Variants in PIGX observed in about 807,000 individuals in gnomAD.
PIGX encodes the protein GPI alpha-1,4-mannosyltransferase I, stabilizing subunit.
A neutral mutation model predicts 28.7 loss-of-function variants in PIGX; 24 were observed. The observed-to-expected ratio is 0.84, with a 90% confidence interval of 0.60 to 1.17. The LOEUF (loss-of-function observed/expected upper bound fraction) is 1.17, where lower values mean the gene tolerates loss of function less well. Among genes scored for constraint, PIGX ranks in the 50% most tolerant of loss-of-function variants. PIGX has a pLI of 0.00. For missense variants in PIGX, 305 were observed against 317.8 expected (o/e 0.96, Z 0.31); for synonymous variants, 127 against 121.0 (o/e 1.05, Z -0.33).
At chr3:196,728,870 A>G (rs2108686519) in intron 4 of PIGX, 1 of 696,524 alleles carries the variant, frequency 1.4e-6, no homozygotes, top group Non-Finnish European at 2.6e-6. Context: ...GTTTCTTGTT[A>G]TCAGTATTGC....
chr3:196,721,003 A>G (rs566533871), intron 2 of PIGX, among the ~76,000 whole-genome samples: 3 of 151,948 alleles, frequency 2.0e-5, no homozygotes, highest in South Asian at 4.1e-4. Context: ...AGCTTTTAAG[A>G]TTGTTTTCCA....
intron 1 of PIGX, 26 bp from the exon 2 acceptor site, chr3:196,716,832 A>T (rs567199844): frequency 1.4e-3 from 1,767 of 1,253,690 alleles, no homozygotes; most frequent in Admixed American, 1.8e-3. Flanking sequence ...TTTTGTTTTT[A>T]AAAAAAAATC....
rs1416283206 is a variant in PIGX, at chr3:196,728,082, G to A, written c.478G>A (p.Gly160Arg). The A allele has an allele frequency of 6.2e-7, 1 of 1,614,000 alleles. No homozygotes were observed. Among genetic ancestry groups the A allele is most frequent in the Non-Finnish European group, 8.5e-7 (1 of 1,180,028 alleles). ...CTATCATCGGCCGCACAGTGAAGATGGAGAAGCCTCGATTGTGGTCAATAA... is the reference window on the plus strand; with the variant it reads ...CTATCATCGGCCGCACAGTGAAGATAGAGAAGCCTCGATTGTGGTCAATAA... The change falls in exon 4 of 6, where the codon GGA (glycine) becomes AGA (arginine). Residue 160 changes from glycine to arginine, a missense_variant. Transcript: ENST00000392391.
At chr3:196,713,729 CAG>C (rs1382687300) in intron 1 of PIGX, among the ~76,000 whole-genome samples, 2 of 151,286 alleles carry the variant, frequency 1.3e-5, no homozygotes, top group South Asian at 2.1e-4. Context: ...CCCAGCTACT[CAG>C]GGGGCTAAGG....
chr3:196,720,129 G>A (rs186930472), intron 2 of PIGX, among the ~76,000 whole-genome samples: 106 of 152,280 alleles, frequency 7.0e-4, no homozygotes, highest in Non-Finnish European at 1.3e-3. Context: ...GTACATTCAC[G>A]TTATTGTGCT....
At chr3:196,732,281 T>A (rs1712836124) in intron 5 of PIGX, among the ~76,000 whole-genome samples, 4 of 90,880 alleles carry the variant, frequency 4.4e-5, no homozygotes, top group African/African-American at 2.0e-4. Flanking sequence ...ATTTTTTTTT[T>A]TATTTTATTT....
intron 2 of PIGX, among the ~76,000 whole-genome samples, chr3:196,720,046 G>A (rs1712255968): frequency 6.6e-6 from 1 of 152,208 alleles, no homozygotes; most frequent in South Asian, 2.1e-4. Flanking sequence ...CCGAAGTGTG[G>A]GGATTACAGG....
At chr3:196,723,162 C>T (rs139178176) in intron 3 of PIGX, among the ~76,000 whole-genome samples, 3 of 152,190 alleles carry the variant, frequency 2.0e-5, no homozygotes, top group South Asian at 2.1e-4. Flanking sequence ...GGCAACATGG[C>T]GAAACCCTGT....
At position 196,720,037 on chromosome 3, in the gene PIGX, C is replaced by T. The variant is rs934106113; in HGVS notation, c.177-2378C>T. Among the ~76,000 whole-genome samples, 68 of 152,362 alleles carry T rather than the reference C, an allele frequency of 4.5e-4. 1 individual carries two copies. Among genetic ancestry groups the T allele is most frequent in the African/African-American group, 1.5e-3 (62 of 41,588 alleles). ...TCGTGATCCGCCTGCTTCGGCCTCCCGAAGTGTGGGGATTACAGGCGTGAG... is the reference window on the plus strand; with the variant it reads ...TCGTGATCCGCCTGCTTCGGCCTCCTGAAGTGTGGGGATTACAGGCGTGAG... On this transcript the variant is annotated intron_variant, in intron 2 of 5. Coordinates refer to ENST00000392391, the MANE Select transcript of PIGX (RefSeq NM_017861.4).
intron 2 of PIGX, among the ~76,000 whole-genome samples, chr3:196,718,126 C>T (rs995910189): frequency 1.3e-5 from 2 of 151,972 alleles, no homozygotes; most frequent in South Asian, 2.1e-4. Context: ...GTGGCAAACA[C>T]GGTGAAACCC....
chr3:196,712,775 C>T, intron 1 of PIGX, 131 bp downstream of exon 1: 1 of 1,109,192 alleles, frequency 9.0e-7, no homozygotes, highest in Non-Finnish European at 1.1e-6. Context: ...GGAGGTCAGA[C>T]ACTAGAGCCG....
At chr3:196,724,145 G>A (rs1712432952) in intron 3 of PIGX, among the ~76,000 whole-genome samples, 1 of 151,670 alleles carries the variant, frequency 6.6e-6, no homozygotes, top group Admixed American at 6.6e-5. Context: ...CTCCCGAGTA[G>A]CTAGGATTAC....
chr3:196,713,291 G>A lies in PIGX; in HGVS notation c.112+647G>A, dbSNP rs548263761. 3.0e-4 allele frequency among the ~76,000 whole-genome samples: 33 copies of A among 111,744 alleles called. No homozygotes were observed. The Middle Eastern group carries it at 0.013, about 45-fold the overall frequency. The allele number at this position is 111,744 out of a possible 152,430, so 73.3% of individuals were successfully genotyped here. A position where few individuals can be genotyped will look rare whatever the true frequency, so the allele number is the denominator to read the frequency against. ...GGTTTTCAAGTTTATCTAAACAAAG[G>A]ATTATGAGGCCAAGAAGATTTTTTT... On this transcript the variant is annotated intron_variant, in intron 1 of 5. Coordinates refer to ENST00000392391, the MANE Select transcript of PIGX (RefSeq NM_017861.4).
intron 1 of PIGX, 194 bp downstream of exon 1, chr3:196,712,838 C>T (rs1711888146): frequency 4.6e-6 from 5 of 1,094,240 alleles, no homozygotes; most frequent in Non-Finnish European, 5.6e-6. Context: ...CCCGGGTCTC[C>T]GGGAGAGTCG....
intron 1 of PIGX, chr3:196,712,956 C>T: frequency 9.9e-7 from 1 of 1,005,532 alleles, no homozygotes; most frequent in Non-Finnish European, 1.2e-6. Flanking sequence ...CTGCACGAAG[C>T]TTCTGATCAC....
chr3:196,727,400 A>G (rs1712565985), intron 3 of PIGX, among the ~76,000 whole-genome samples: 1 of 152,100 alleles, frequency 6.6e-6, no homozygotes, highest in South Asian at 2.1e-4. Flanking sequence ...TATTTTTTCC[A>G]TTAACTGTTT....
intron 4 of PIGX, among the ~76,000 whole-genome samples, chr3:196,730,729 CAG>C (rs1429425110): frequency 1.7e-5 from 2 of 115,052 alleles, no homozygotes; most frequent in Non-Finnish European, 3.2e-5. Flanking sequence ...GCCTGGGTGA[CAG>C]AGTGAGACTC....
chr3:196,720,138 C>T (rs548101957), intron 2 of PIGX, among the ~76,000 whole-genome samples: 1 of 152,332 alleles, frequency 6.6e-6, no homozygotes, highest in Non-Finnish European at 1.5e-5. Flanking sequence ...CGTTATTGTG[C>T]TACCATCACC....
At chr3:196,715,260 C>T (rs969667953) in intron 1 of PIGX, among the ~76,000 whole-genome samples, 1 of 152,040 alleles carries the variant, frequency 6.6e-6, no homozygotes, top group African/African-American at 2.4e-5. Context: ...GACAAATTCT[C>T]GAAGAGCTGT....
Sources: allele counts gnomAD v4.1 joint callset (sites outside exome capture counted in the v4.1 genomes callset), GRCh38; gene constraint gnomAD v4.1.1; transcripts MANE v1.5; gene names NCBI Gene and HGNC (gene_info 2026-07-23, HGNC 2026-07-21).